The following RPS6KA6 variants were observed in gnomAD, a reference collection of about 807,000 sequenced individuals.
RPS6KA6 encodes the protein ribosomal protein S6 kinase A6, also known as ribosomal protein S6 kinase alpha-6.
Under a neutral mutation model 65.4 loss-of-function variants are expected in RPS6KA6, and 27 were observed. The ratio of observed to expected loss-of-function variants is 0.41; its 90% confidence interval spans 0.30 to 0.57. The LOEUF (loss-of-function observed/expected upper bound fraction) is 0.57. Ranked by LOEUF, RPS6KA6 falls within the 20% of genes least tolerant of loss-of-function variation. RPS6KA6 has a pLI of 0.24. For synonymous variants in RPS6KA6, 190 were observed against 184.2 expected, an observed-to-expected ratio of 1.03 and a Z score of -0.26; for missense variants, 486 against 555.6, an observed-to-expected ratio of 0.87 and a Z score of 1.26.
chrX:84,183,409 C>T (rs1357177624), intron 1 of RPS6KA6, among the ~76,000 whole-genome samples: 1 of 111,462 alleles, frequency 9.0e-6, no homozygotes, highest in Admixed American at 9.5e-5. Flanking sequence ...AGCTGGAATT[C>T]CCCACCTTCC....
intron 8 of RPS6KA6, among the ~76,000 whole-genome samples, chrX:84,123,690 A>G (rs2034721369): frequency 8.9e-6 from 1 of 111,810 alleles, no homozygotes; most frequent in Non-Finnish European, 1.9e-5. Flanking sequence ...CTTCAGGTAA[A>G]TTTCTAAGGT....
At chrX:84,094,424 C>T (rs926579704) in intron 20 of RPS6KA6, among the ~76,000 whole-genome samples, 3 of 108,438 alleles carry the variant, frequency 2.8e-5, no homozygotes, top group Non-Finnish European at 3.8e-5. Context: ...AGGCGGATCA[C>T]GAGGTCAGGA....
intron 8 of RPS6KA6, 138 bp from the exon 9 acceptor site, chrX:84,120,165 G>T: frequency 2.8e-6 from 1 of 362,601 alleles, no homozygotes. Flanking sequence ...GTTCCTGTGA[G>T]ATCAATAAGA....
intron 2 of RPS6KA6, among the ~76,000 whole-genome samples, chrX:84,160,348 A>C (rs1207924048): frequency 9.0e-6 from 1 of 111,387 alleles, no homozygotes; most frequent in Non-Finnish European, 1.9e-5. Flanking sequence ...ACACTGGGAA[A>C]ACACACTGTT....
intron 12 of RPS6KA6, among the ~76,000 whole-genome samples, chrX:84,108,562 G>A (rs2147440409): frequency 9.0e-6 from 1 of 111,588 alleles, no homozygotes; most frequent in East Asian, 2.8e-4. Context: ...GGAGATCTTC[G>A]ATGCAGGGAA....
At position 84,119,924 on chromosome X, in the gene RPS6KA6, A is replaced by T; in HGVS notation, c.750T>A (p.His250Gln). Residue 250 changes from histidine (H) to glutamine (Q), a missense_variant, in exon 9 of 22, where the codon CAT becomes CAA. Physicochemically the swap from His to Gln is conservative, Grantham distance 24 (BLOSUM62 0). This residue lies in a region of RPS6KA6 where 345 missense variants were observed against 375.0 expected (regional missense o/e 0.92). Transcript: ENST00000262752. The stretch of plus-strand genomic sequence containing the variant: ...ATGACCACCAATCAGCACTCTGGGA[A>T]TGGCCTCTCCTATTTACTACTTCAG... Reference protein sequence around the residue: ...MAPEVVNRRGHSQSADWWSYG... With the variant: ...MAPEVVNRRGQSQSADWWSYG... 1 of 1,199,614 alleles carries T rather than the reference A, an allele frequency of 8.3e-7. No individual in the cohort carries two copies. The highest frequency in any genetic ancestry group is 1.1e-6 in the Non-Finnish European group (1 of 887,873).
chrX:84,123,692 T>A (rs1201624431), intron 8 of RPS6KA6, among the ~76,000 whole-genome samples: 1 of 111,927 alleles, frequency 8.9e-6, no homozygotes, highest in Non-Finnish European at 1.9e-5. Context: ...TCAGGTAAAT[T>A]TCTAAGGTAT....
chrX:84,086,899 C>T (rs1461752486), intron 20 of RPS6KA6, among the ~76,000 whole-genome samples: 1 of 111,391 alleles, frequency 9.0e-6, no homozygotes, highest in Non-Finnish European at 1.9e-5. Context: ...TTGACTTGAG[C>T]CCTTTACCAT....
intron 2 of RPS6KA6, among the ~76,000 whole-genome samples, chrX:84,160,797 A>C (rs779825546): frequency 9.0e-6 from 1 of 111,261 alleles, no homozygotes; most frequent in African/African-American, 3.3e-5. Flanking sequence ...GTCAAATATT[A>C]GTGTACTTTG....
intron 20 of RPS6KA6, among the ~76,000 whole-genome samples, chrX:84,065,656 T>A (rs2033384374): frequency 8.9e-6 from 1 of 112,268 alleles, no homozygotes; most frequent in Non-Finnish European, 1.9e-5. Flanking sequence ...TAAGTGTACG[T>A]TTGCTTATGT....
At chrX:84,092,225 A>C (rs939258938) in intron 20 of RPS6KA6, among the ~76,000 whole-genome samples, 17 of 111,424 alleles carry the variant, frequency 1.5e-4, no homozygotes, top group African/African-American at 5.6e-4. Context: ...TTTCAAAAAA[A>C]AAATATTCAG....
In RPS6KA6 at chrX:84,134,210, G is replaced by C. The variant is rs899457923; in HGVS notation, c.646+572C>G. 8.9e-5 allele frequency among the ~76,000 whole-genome samples: 10 copies of C among 111,822 alleles called. No individual in the cohort carries two copies. In the East Asian group the frequency reaches 2.5e-3, roughly 28 times the overall value. On this transcript the variant is annotated intron_variant, in intron 8 of 21. Coordinates refer to ENST00000262752, the MANE Select transcript of RPS6KA6 (RefSeq NM_014496.5). ...GTAGTATGTCATCATATGGAAGTATGACAATTTACATTTATCCATTCCCCT... is the reference window on the plus strand; with the variant it reads ...GTAGTATGTCATCATATGGAAGTATCACAATTTACATTTATCCATTCCCCT...
intron 19 of RPS6KA6, among the ~76,000 whole-genome samples, chrX:84,097,293 A>C (rs903475690): frequency 2.7e-5 from 3 of 110,767 alleles, no homozygotes; most frequent in African/African-American, 9.8e-5. Flanking sequence ...ATTTGTTTTG[A>C]GCTTTTCTTT....
chrX:84,173,999 T>C, intron 1 of RPS6KA6, among the ~76,000 whole-genome samples: 1 of 112,307 alleles, frequency 8.9e-6, no homozygotes, highest in Admixed American at 9.4e-5. Flanking sequence ...AATAAAAAAG[T>C]ATCTTTGTAT....
At chrX:84,170,674 T>C (rs987177071) in intron 1 of RPS6KA6, among the ~76,000 whole-genome samples, 1 of 110,634 alleles carries the variant, frequency 9.0e-6, no homozygotes, top group Non-Finnish European at 1.9e-5. Context: ...AATCTATGCC[T>C]ATATATTAAG....
At chrX:84,071,191 G>A (rs950321528) in intron 20 of RPS6KA6, among the ~76,000 whole-genome samples, 1 of 111,043 alleles carries the variant, frequency 9.0e-6, no homozygotes, top group Admixed American at 9.7e-5. Flanking sequence ...GTGAGGAGCA[G>A]AGAGAGAGAA....
chrX:84,160,474 T>C (rs2035492600), intron 2 of RPS6KA6, among the ~76,000 whole-genome samples: 1 of 111,860 alleles, frequency 8.9e-6, no homozygotes, highest in Non-Finnish European at 1.9e-5. Context: ...GACAACCTAA[T>C]AGCAATATAC....
intron 6 of RPS6KA6, among the ~76,000 whole-genome samples, chrX:84,142,677 C>A (rs891123357): frequency 2.7e-5 from 3 of 111,029 alleles, no homozygotes; most frequent in African/African-American, 9.8e-5. Flanking sequence ...ACTAACAATT[C>A]CACAACTACA....
chrX:84,154,894 T>A (rs2035389305), intron 3 of RPS6KA6, among the ~76,000 whole-genome samples: 1 of 112,212 alleles, frequency 8.9e-6, no homozygotes, highest in Non-Finnish European at 1.9e-5. Flanking sequence ...ATCTATTTTA[T>A]AGTCACTAAT....
Sources: gnomAD v4.1 joint callset for allele counts (sites outside exome capture counted in the v4.1 genomes callset) on GRCh38, gnomAD v4.1.1 for gene constraint, gnomAD v4.1.1 regional missense constraint, MANE v1.5 for transcripts, NCBI Gene and HGNC (gene_info 2026-07-23, HGNC 2026-07-21) for gene names.